Variants in TBCA observed in about 807,000 individuals in gnomAD.
TBCA encodes tubulin folding cofactor A, also known as tubulin-specific chaperone A.
TBCA carries 6 observed loss-of-function variants against 15.8 expected under a neutral mutation model. The ratio of observed to expected loss-of-function variants is 0.38; its 90% confidence interval spans 0.21 to 0.75. The LOEUF is 0.75. Ranked by LOEUF, TBCA falls within the 30% of genes least tolerant of loss-of-function variation. TBCA has a pLI of 0.46. For synonymous variants in TBCA, 32 were observed against 42.3 expected, an observed-to-expected ratio of 0.76 and a Z score of 0.94; for missense variants, 90 against 131.2, an observed-to-expected ratio of 0.69 and a Z score of 1.53.
chr5:77,756,216 C>T (rs375392849), intron 1 of TBCA, among the ~76,000 whole-genome samples: 8 of 152,240 alleles, frequency 5.3e-5, no homozygotes, highest in Middle Eastern at 6.8e-3. Context: ...TTCCACCCTC[C>T]TACGTCTCAA....
At position 77,740,262 on chromosome 5, in the gene TBCA, T is replaced by C. The variant is rs75215618; in HGVS notation, c.54-31915A>G. On this transcript the variant is annotated intron_variant, in intron 1 of 3. Coordinates refer to ENST00000380377, the MANE Select transcript of TBCA (RefSeq NM_004607.3). ...AGTTATACTGAAACAACCGAATTTT[T>C]CCTAAATGTATTTGACAGGTATGTG... Among the ~76,000 whole-genome samples, 858 of 152,334 alleles carry C rather than the reference T, an allele frequency of 5.6e-3. 22 individuals carry two copies. The highest frequency in any genetic ancestry group is 0.042 in the East Asian group (216 of 5,190).
At chr5:77,732,408 G>A (rs376952929) in intron 1 of TBCA, among the ~76,000 whole-genome samples, 155 of 151,754 alleles carry the variant, frequency 1.0e-3, no homozygotes, top group African/African-American at 3.4e-3. Flanking sequence ...AAAATTAGCC[G>A]GGCGTGGTGA....
At chr5:77,756,555 C>T (rs190040257) in intron 1 of TBCA, among the ~76,000 whole-genome samples, 1 of 150,426 alleles carries the variant, frequency 6.6e-6, no homozygotes, top group East Asian at 2.0e-4. Flanking sequence ...GAAGGAAAGG[C>T]AATGAAGACT....
chr5:77,746,502 G>A (rs1317345375), intron 1 of TBCA, among the ~76,000 whole-genome samples: 1 of 152,122 alleles, frequency 6.6e-6, no homozygotes, highest in African/African-American at 2.4e-5. Context: ...AAACTGCAAT[G>A]CCCCAATACT....
intron 2 of TBCA, chr5:77,705,465 A>G (rs1018377907): frequency 3.5e-5 from 14 of 395,880 alleles, no homozygotes; most frequent in Non-Finnish European, 5.8e-5. Flanking sequence ...AAAGCAGTAT[A>G]TATCATAATT....
At chr5:77,707,926 G>T (rs1746186193) in intron 2 of TBCA, among the ~76,000 whole-genome samples, 1 of 152,090 alleles carries the variant, frequency 6.6e-6, no homozygotes, top group South Asian at 2.1e-4. Context: ...AGTTGAGGTG[G>T]GAGAATTGCT....
At chr5:77,703,885 T>C (rs1013721178) in intron 2 of TBCA, among the ~76,000 whole-genome samples, 5 of 152,096 alleles carry the variant, frequency 3.3e-5, no homozygotes, top group African/African-American at 7.2e-5. Context: ...TGGGAGGTGA[T>C]TGGATTATAG....
intron 1 of TBCA, among the ~76,000 whole-genome samples, chr5:77,724,199 C>T (rs1357604367): frequency 6.6e-6 from 1 of 152,024 alleles, no homozygotes; most frequent in Non-Finnish European, 1.5e-5. Context: ...TGGTTTTTGA[C>T]TTACCACTTT....
chr5:77,705,426 A>G (rs1463167993), intron 2 of TBCA: 2 of 392,146 alleles, frequency 5.1e-6, no homozygotes, highest in East Asian at 3.6e-5. Flanking sequence ...TAGGAAAACA[A>G]TAGAAGACTT....
intron 1 of TBCA, among the ~76,000 whole-genome samples, chr5:77,767,473 G>C (rs1279457174): frequency 6.6e-6 from 1 of 152,100 alleles, no homozygotes; most frequent in Non-Finnish European, 1.5e-5. Context: ...TTGAAATTAG[G>C]GTTCTCCAAA....
intron 1 of TBCA, among the ~76,000 whole-genome samples, chr5:77,764,788 A>ACT (rs34704179): frequency 0.85 from 129,288 of 151,872 alleles, 55,568 homozygotes; most frequent in Non-Finnish European, 0.92. Flanking sequence ...ACAACTCAAA[A>ACT]CTGTCTCCTT....
chr5:77,752,994 A>T (rs933149352), intron 1 of TBCA, among the ~76,000 whole-genome samples: 1 of 152,158 alleles, frequency 6.6e-6, no homozygotes, highest in African/African-American at 2.4e-5. Flanking sequence ...CACCCGGCCT[A>T]ATTTTTTCTT....
At chr5:77,772,260 C>T (rs574070484) in intron 1 of TBCA, among the ~76,000 whole-genome samples, 1 of 152,150 alleles carries the variant, frequency 6.6e-6, no homozygotes, top group African/African-American at 2.4e-5. Context: ...AATGAAGCCC[C>T]ATGATCATTC....
At position 77,752,610 on chromosome 5, in the gene TBCA, C is replaced by G. The variant is rs1304512354; in HGVS notation, c.53+23595G>C. 7.2e-5 allele frequency among the ~76,000 whole-genome samples: 4 copies of G among 55,682 alleles called. 2 individuals are homozygous for G. Among genetic ancestry groups the G allele is most frequent in the Non-Finnish European group, 1.7e-4 (4 of 23,780 alleles). The allele number at this position is 55,682 out of a possible 152,430, so 36.5% of individuals were successfully genotyped here. On this transcript the variant is annotated intron_variant, in intron 1 of 3. Transcript: ENST00000380377. ...TCTGTCGCCCAGGCCGGACTGCGGA[C>G]TGCAGTGGCGCAATCTCGGCTCACT... is the stretch of plus-strand genomic sequence containing the variant.
intron 2 of TBCA, among the ~76,000 whole-genome samples, chr5:77,698,481 T>C (rs1416441839): frequency 6.6e-6 from 1 of 152,182 alleles, no homozygotes; most frequent in Non-Finnish European, 1.5e-5. Flanking sequence ...TAAAAAATAC[T>C]TTTTCTCCAA....
rs1480822374 is a variant in TBCA at position 77,727,491 on chromosome 5, A to G, written c.54-19144T>C. Among the ~76,000 whole-genome samples the G allele has an allele frequency of 3.3e-5, 5 of 152,222 alleles. No individual in the cohort carries two copies. The South Asian group carries it at 6.3e-4, about 19-fold the overall frequency. The stretch of plus-strand genomic sequence containing the variant: ...AAGAGTTATAGGAAATGAGTACGAG[A>G]ACAATACTATAAGAAGTATAAACAG... On this transcript the variant is annotated intron_variant, in intron 1 of 3. Coordinates refer to ENST00000380377, the MANE Select transcript of TBCA (RefSeq NM_004607.3).
intron 1 of TBCA, among the ~76,000 whole-genome samples, chr5:77,719,441 C>T (rs1456186167): frequency 1.3e-5 from 2 of 152,076 alleles, no homozygotes; most frequent in Non-Finnish European, 2.9e-5. Flanking sequence ...CCACTCAGTT[C>T]CCACCACCGG....
At chr5:77,776,124 C>T (rs1748020230) in intron 1 of TBCA, 81 bp downstream of exon 1, 38 of 1,528,248 alleles carry the variant, frequency 2.5e-5, no homozygotes, top group Middle Eastern at 4.6e-4. Context: ...CGGGCCTCCT[C>T]GGGCCTGCGC....
At chr5:77,698,833 G>C (rs62362528) in intron 2 of TBCA, among the ~76,000 whole-genome samples, 96 of 151,998 alleles carry the variant, frequency 6.3e-4, no homozygotes, top group Non-Finnish European at 1.2e-3. Flanking sequence ...TGCAAGGACA[G>C]TTAAATATTT....
Sources: allele counts gnomAD v4.1 joint callset (sites outside exome capture counted in the v4.1 genomes callset), GRCh38; gene constraint gnomAD v4.1.1; transcripts MANE v1.5; gene names NCBI Gene and HGNC (gene_info 2026-07-23, HGNC 2026-07-21).